ZMYND8: variants seen among roughly 807,000 people sequenced by gnomAD.
ZMYND8 encodes MYND-type zinc finger-containing chromatin reader ZMYND8.
In ZMYND8, 37 loss-of-function variants were observed where a neutral mutation model predicts 140.8. The observed-to-expected ratio is 0.26, with a 90% CI of 0.20 to 0.35. The LOEUF is 0.35. Ranked by LOEUF, ZMYND8 falls within the 10% of genes least tolerant of loss-of-function variation. The pLI is 1.00. For synonymous variants in ZMYND8, 592 were observed against 597.1 expected, an observed-to-expected ratio of 0.99 and a Z score of 0.12; for missense variants, 1,068 against 1,570.0, an observed-to-expected ratio of 0.68 and a Z score of 5.40.
Position 47,287,227 on chromosome 20 carries a change from AC to A in ZMYND8, c.804+1del. 6.2e-7 allele frequency: 1 copy of A among 1,613,552 alleles called. No homozygotes were observed. The highest frequency in any genetic ancestry group is 8.5e-7 in the Non-Finnish European group (1 of 1,179,528). ...TAAAACAGGACAGTGGGAAACACATACCTCATGTTCACAGATTTTGATGACT... is the reference window on the plus strand; with the variant it reads ...TAAAACAGGACAGTGGGAAACACATACTCATGTTCACAGATTTTGATGACT... On this transcript the variant is annotated splice_donor_variant, in intron 8 of 22. Coordinates refer to ENST00000471951, the MANE Select transcript of ZMYND8 (RefSeq NM_001281775.3). LOFTEE classifies it high-confidence loss of function.
intron 2 of ZMYND8, among the ~76,000 whole-genome samples, chr20:47,329,783 G>C (rs2080779636): frequency 6.6e-6 from 1 of 152,154 alleles, no homozygotes; most frequent in African/African-American, 2.4e-5. Context: ...TTAATATTAA[G>C]ACAAAGAAGC....
chr20:47,249,443 A>C lies in ZMYND8; in HGVS notation c.1622-4T>G, dbSNP rs2073989317. 4.3e-6 allele frequency: 7 copies of C among 1,613,906 alleles called. No individual in the cohort carries two copies. The highest frequency in any genetic ancestry group is 5.9e-6 in the Non-Finnish European group (7 of 1,179,876). ...TCCATCTCAGCTTTGCTTCGATCTG[A>C]AAGAAACCATCACACCCTCGTAAGA... On this transcript the variant is annotated splice_region_variant and splice_polypyrimidine_tract_variant and intron_variant, in intron 12 of 22. Coordinates refer to ENST00000471951, the MANE Select transcript of ZMYND8 (RefSeq NM_001281775.3).
intron 6 of ZMYND8, 108 bp from the exon 7 acceptor site, chr20:47,290,382 T>A: frequency 2.3e-6 from 2 of 878,036 alleles, no homozygotes; most frequent in Non-Finnish European, 3.5e-6. Flanking sequence ...CCAAATCAAT[T>A]AGTGTTCTTC....
chr20:47,296,398 G>C (rs1421105630), intron 4 of ZMYND8, among the ~76,000 whole-genome samples: 1 of 152,148 alleles, frequency 6.6e-6, no homozygotes, highest in Non-Finnish European at 1.5e-5. Flanking sequence ...TCAGCTGGGG[G>C]ATGATGGACA....
intron 10 of ZMYND8, among the ~76,000 whole-genome samples, chr20:47,278,729 C>T (rs2076409895): frequency 6.6e-6 from 1 of 152,146 alleles, no homozygotes; most frequent in South Asian, 2.1e-4. Flanking sequence ...TGCTGTCTTT[C>T]TCCTGAGACC....
intron 2 of ZMYND8, among the ~76,000 whole-genome samples, chr20:47,340,710 C>A (rs1488210796): frequency 1.3e-5 from 2 of 151,906 alleles, no homozygotes; most frequent in African/African-American, 2.4e-5. Flanking sequence ...TCACTTGAAC[C>A]CGGGAAATGA....
chr20:47,319,094 G>T, intron 2 of ZMYND8: 1 of 1,288,068 alleles, frequency 7.8e-7, no homozygotes, highest in Non-Finnish European at 1.0e-6. Context: ...AAGAGAACAG[G>T]CTAAGAGTCA....
intron 12 of ZMYND8, among the ~76,000 whole-genome samples, chr20:47,261,339 C>T (rs2075135729): frequency 1.3e-5 from 2 of 151,984 alleles, no homozygotes; most frequent in South Asian, 2.1e-4. Context: ...GAGTTCAAGA[C>T]CAGCCTGGGC....
At chr20:47,312,031 G>A (rs1360144861) in intron 2 of ZMYND8, among the ~76,000 whole-genome samples, 2 of 152,166 alleles carry the variant, frequency 1.3e-5, no homozygotes, top group African/African-American at 4.8e-5. Context: ...CCTGAGGAAC[G>A]AAAGCTACAA....
intron 1 of ZMYND8, chr20:47,354,336 T>C (rs2083042648): frequency 2.0e-5 from 3 of 152,200 alleles, no homozygotes; most frequent in Non-Finnish European, 4.4e-5. Flanking sequence ...TATGCAAACG[T>C]TGAAGGCACC....
At chr20:47,332,011 G>A (rs1294120417) in intron 2 of ZMYND8, among the ~76,000 whole-genome samples, 1 of 152,152 alleles carries the variant, frequency 6.6e-6, no homozygotes, top group Non-Finnish European at 1.5e-5. Context: ...AGACCAGCCT[G>A]ACCAACATGG....
At chr20:47,231,497 G>A (rs529311286) in intron 16 of ZMYND8, among the ~76,000 whole-genome samples, 23 of 152,278 alleles carry the variant, frequency 1.5e-4, no homozygotes, top group Admixed American at 1.4e-3. Context: ...TACCTGCCAC[G>A]GAGTAGGTGT....
chr20:47,318,928 G>T (rs766069619), intron 2 of ZMYND8: 7 of 1,346,720 alleles, frequency 5.2e-6, no homozygotes, highest in Non-Finnish European at 6.9e-6. Flanking sequence ...GAGGGGCAGG[G>T]AACGCCAAGA....
chr20:47,220,186 C>T, intron 21 of ZMYND8, 72 bp downstream of exon 21: 1 of 1,364,322 alleles, frequency 7.3e-7, no homozygotes, highest in Non-Finnish European at 1.0e-6. Flanking sequence ...TCAAATTCTC[C>T]CTGACAAAAT....
intron 18 of ZMYND8, among the ~76,000 whole-genome samples, chr20:47,224,791 T>C (rs893467428): frequency 6.6e-6 from 1 of 152,166 alleles, no homozygotes; most frequent in African/African-American, 2.4e-5. Flanking sequence ...AGCATGGACA[T>C]AACTGCAGCC....
At chr20:47,327,723 G>A (rs753985217) in intron 2 of ZMYND8, among the ~76,000 whole-genome samples, 6 of 152,152 alleles carry the variant, frequency 3.9e-5, no homozygotes, top group East Asian at 1.9e-4. Context: ...CAATCCTCCC[G>A]CCTGCCCACT....
chr20:47,306,800 GA>G (rs1293242468), intron 3 of ZMYND8, among the ~76,000 whole-genome samples: 1 of 152,026 alleles, frequency 6.6e-6, no homozygotes, highest in Non-Finnish European at 1.5e-5. Context: ...CTAAAGTGAA[GA>G]AAAAGAAGAC....
chr20:47,298,239 A>T lies in ZMYND8; in HGVS notation c.453+490T>A, dbSNP rs2077771871. 1.0e-6 allele frequency: 1 copy of T among 982,478 alleles called. No homozygotes were observed. The allele number at this position is 982,478 out of a possible 1,614,324, so 60.9% of individuals were successfully genotyped here. On this transcript the variant is annotated intron_variant, in intron 4 of 22. Transcript: ENST00000471951. This position sits in a 1 kb window ranked among gnomAD's most constrained non-coding sequence, Gnocchi z 5.0. ...TGCACTGTCGAATTCCCAGCACCTA[A>T]TAGGCACTCAAGAAATACTTGTTGC...
intron 2 of ZMYND8, chr20:47,319,181 TCAGG>T (rs1473504806): frequency 6.1e-6 from 3 of 488,544 alleles, no homozygotes; most frequent in Non-Finnish European, 1.1e-5. Context: ...CTCTTTGCAA[TCAGG>T]CAGTCTGAAA....
Sources: allele counts gnomAD v4.1 joint callset (sites outside exome capture counted in the v4.1 genomes callset), GRCh38; gene constraint gnomAD v4.1.1; non-coding constraint Gnocchi (gnomAD v3.1); transcripts MANE v1.5; gene names NCBI Gene and HGNC (gene_info 2026-07-23, HGNC 2026-07-21).